NEB: variants seen among roughly 807,000 people sequenced by gnomAD.
The protein encoded by NEB is nebulin.
NEB carries 512 observed loss-of-function variants against 952.2 expected under a neutral mutation model. The observed-to-expected ratio is 0.54, with a 90% CI of 0.50 to 0.58. NEB has a LOEUF of 0.58. Ranked by LOEUF, NEB falls within the 20% of genes least tolerant of loss-of-function variation. The pLI, the probability that NEB is intolerant of heterozygous loss-of-function variation, is 0.00. For synonymous variants in NEB, 2,900 were observed against 3,149.8 expected (o/e 0.92, Z 2.66); for missense variants, 8,428 against 9,231.1 (o/e 0.91, Z 3.56).
chr2:151,576,485 C>CATATATATATATATATATATATAT (rs1167680131), intron 105 of NEB, 131 bp from the exon 106 acceptor site: 1 of 54,190 alleles, frequency 1.8e-5, no homozygotes, highest in African/African-American at 8.5e-5. Flanking sequence ...AACATAAATA[C>CATATATATATATATATATATATAT]ATATATATAT....
chr2:151,716,732 A>G (rs1026630269), intron 10 of NEB, among the ~76,000 whole-genome samples: 6 of 152,206 alleles, frequency 3.9e-5, no homozygotes, highest in African/African-American at 1.4e-4. Context: ...TCAAAATTCA[A>G]GCAGAACAAA....
chr2:151,601,277 T>G (rs2097523946), intron 88 of NEB, among the ~76,000 whole-genome samples: 2 of 127,984 alleles, frequency 1.6e-5, no homozygotes, highest in Non-Finnish European at 3.3e-5. Flanking sequence ...CCCAGCTAAT[T>G]TTTGTATTTT....
At chr2:151,733,547 T>A (rs2151164772) in intron 2 of NEB, among the ~76,000 whole-genome samples, 165 bp downstream of exon 2, 1 of 152,282 alleles carries the variant, frequency 6.6e-6, no homozygotes, top group East Asian at 1.9e-4. Flanking sequence ...AAGGTCAGCT[T>A]GGGTTTCAGA....
intron 129 of NEB, among the ~76,000 whole-genome samples, chr2:151,550,984 T>TTATTATTATTATTA (rs2095291945): frequency 2.0e-5 from 2 of 101,056 alleles, no homozygotes; most frequent in African/African-American, 9.3e-5. Flanking sequence ...TATTATTATT[T>TTATTATTATTATTA]GAAACGGAGT....
intron 107 of NEB, among the ~76,000 whole-genome samples, chr2:151,574,053 T>C (rs764742104): frequency 6.6e-6 from 1 of 152,132 alleles, no homozygotes; most frequent in African/African-American, 2.4e-5. Context: ...GGCTTACTGC[T>C]AGCTCCGCCT....
Position 151,627,160 on chromosome 2 carries a change from C to G in NEB, c.10189G>C (p.Val3397Leu), listed in dbSNP as rs752150326. The G allele has an allele frequency of 3.1e-6, 5 of 1,613,914 alleles. No individual in the cohort carries two copies. In the South Asian group the frequency reaches 5.5e-5, roughly 18 times the overall value. The change falls in exon 70 of 182, where the codon GTC becomes CTC. Residue 3397 changes from valine to leucine, a missense_variant. By Grantham distance (32) the Val-to-Leu change is conservative. Transcript: ENST00000397345. ...DLQWLRGIGW[V>L]PIGSMDVVKC... Reference sequence around the variant, plus strand: ...ACCACATCCATAGACCCAATGGGGACCCAGCCAATGCCTCTCAGCCACTGG... The same window carrying G: ...ACCACATCCATAGACCCAATGGGGAGCCAGCCAATGCCTCTCAGCCACTGG...
At chr2:151,692,398 GA>G in intron 20 of NEB, 36 bp from the exon 21 acceptor site, 2 of 1,440,660 alleles carry the variant, frequency 1.4e-6, no homozygotes, top group Non-Finnish European at 1.9e-6. Context: ...CAAAAAGAAA[GA>G]AATATATATC....
At chr2:151,650,140 G>A in intron 54 of NEB, 36 bp downstream of exon 54, 1 of 1,586,610 alleles carries the variant, frequency 6.3e-7, no homozygotes. Context: ...TAGGTAGCAG[G>A]CACTATAATC....
In NEB at chr2:151,672,465, G is replaced by T; in HGVS notation, c.4203C>A (p.Thr1401=). 1 of 1,613,948 alleles carries T rather than the reference G, an allele frequency of 6.2e-7. No homozygotes were observed. Among genetic ancestry groups the T allele is most frequent in the Non-Finnish European group, 8.5e-7 (1 of 1,179,844 alleles). Reference sequence around the variant, plus strand: ...GCAATGGCTGTTTGTAGTTGACATTGGTAGCGACATCCTGGGCCATCTTTG... The same window carrying T: ...GCAATGGCTGTTTGTAGTTGACATTTGTAGCGACATCCTGGGCCATCTTTG... ...TAAKMAQDVA[T]NVNYKQPLHH... is the part of the protein sequence containing the mutation. The change falls in exon 37 of 182, where the codon ACC becomes ACA. Residue 1401 remains threonine (T), a synonymous_variant. Coordinates refer to ENST00000397345, the MANE Select transcript of NEB (RefSeq NM_001164508.2).
intron 20 of NEB, 155 bp from the exon 21 acceptor site, chr2:151,692,517 G>C (rs1242363736): frequency 2.9e-6 from 2 of 693,924 alleles, no homozygotes; most frequent in African/African-American, 3.5e-5. Context: ...GAATAGATGT[G>C]GTAGAGGCTC....
At chr2:151,685,588 G>A (rs1449463166) in intron 27 of NEB, among the ~76,000 whole-genome samples, 1 of 152,170 alleles carries the variant, frequency 6.6e-6, no homozygotes, top group Non-Finnish European at 1.5e-5. Context: ...CTTCACAGGA[G>A]AAAAGTTTGA....
intron 63 of NEB, among the ~76,000 whole-genome samples, chr2:151,636,623 TA>T (rs577567436): frequency 1.8e-3 from 280 of 151,600 alleles, no homozygotes; most frequent in African/African-American, 6.1e-3. Flanking sequence ...CTACTAAATA[TA>T]AAAAAAATTA....
At chr2:151,688,483 T>G in intron 24 of NEB, 87 bp from the exon 25 acceptor site, 1 of 998,726 alleles carries the variant, frequency 1.0e-6, no homozygotes, top group African/African-American at 1.6e-5. Context: ...ATTAGTGCTG[T>G]TTTTAGAAAA....
chr2:151,506,509 A>G (rs144312053), intron 163 of NEB: 82 of 451,746 alleles, frequency 1.8e-4, no homozygotes, highest in African/African-American at 1.6e-3. Context: ...CAGGATGAGA[A>G]GAGCCAGGAA....
intron 40 of NEB, 108 bp downstream of exon 40, chr2:151,667,696 T>C (rs2099237821): frequency 1.4e-6 from 1 of 713,654 alleles, no homozygotes; most frequent in Non-Finnish European, 2.2e-6. Context: ...TCTGGCTAAT[T>C]TTTTTTTTTA....
chr2:151,547,433 C>A lies in NEB; in HGVS notation c.20363G>T (p.Ser6788Ile). The change falls in exon 133 of 182, where the codon AGT (serine) becomes ATT (isoleucine). Residue 6788 changes from serine (S) to isoleucine (I), a missense_variant. This residue lies in a region of NEB where 3,374 missense variants were observed against 3,651.5 expected (regional missense o/e 0.92). Transcript: ENST00000397345. ...IHCRYVGDIT[S>I]DIKYKEDLQV... ...AGACCCCTACGAGATGCTTACATCACTGGTGATGTCTCCCACATAGCGGCA... is the reference window on the plus strand; with the variant it reads ...AGACCCCTACGAGATGCTTACATCAATGGTGATGTCTCCCACATAGCGGCA... 6.3e-7 allele frequency: 1 copy of A among 1,594,394 alleles called. No homozygotes were observed.
chr2:151,688,239 A>AT (rs1307319224), intron 25 of NEB, 53 bp downstream of exon 25: 3 of 1,360,582 alleles, frequency 2.2e-6, no homozygotes, highest in Non-Finnish European at 2.1e-6. Context: ...AATTTAAAAC[A>AT]TTTTCTCTTT....
rs1306300313 is a variant in NEB at position 151,485,369 on chromosome 2, G to T, written c.*391C>A. The T allele has an allele frequency of 6.4e-6, 1 of 157,440 alleles. No individual in the cohort carries two copies. The highest frequency in any genetic ancestry group is 1.4e-5 in the Non-Finnish European group (1 of 71,870). The allele number at this position is 157,440 out of a possible 1,614,324, so 9.8% of individuals were successfully genotyped here. On this transcript the variant is annotated 3_prime_UTR_variant, in exon 182 of 182. Coordinates refer to ENST00000397345, the MANE Select transcript of NEB (RefSeq NM_001164508.2). ...GAATTAGAGGTTTTATTAGTTGCTG[G>T]TTTGTATTGATTATAAGTTTATAAC...
Position 151,672,355 on chromosome 2 carries a change from T to G in NEB, c.4299+14A>C, listed in dbSNP as rs1307427563. 1.3e-6 allele frequency: 2 copies of G among 1,570,790 alleles called. No individual in the cohort carries two copies. Among genetic ancestry groups the G allele is most frequent in the African/African-American group, 2.7e-5 (2 of 74,198 alleles). ...AGTGCAAACATCTCTGGGTCTGTTGTTACACATACTTACATCACTCTGAAT... is the reference window on the plus strand; with the variant it reads ...AGTGCAAACATCTCTGGGTCTGTTGGTACACATACTTACATCACTCTGAAT... On this transcript the variant is annotated intron_variant, in intron 37 of 181. Transcript: ENST00000397345.
Sources: gnomAD v4.1 joint callset for allele counts (sites outside exome capture counted in the v4.1 genomes callset) on GRCh38, gnomAD v4.1.1 for gene constraint, gnomAD v4.1.1 regional missense constraint, MANE v1.5 for transcripts, NCBI Gene and HGNC (gene_info 2026-07-23, HGNC 2026-07-21) for gene names.